Variants in RBFOX1 observed in about 807,000 individuals in gnomAD.
RBFOX1 encodes RNA binding fox-1 homolog 1.
A neutral mutation model predicts 57.7 loss-of-function variants in RBFOX1; 8 were observed. The ratio of observed to expected loss-of-function variants is 0.14; its 90% CI spans 0.08 to 0.25. The LOEUF (loss-of-function observed/expected upper bound fraction) is 0.25. Ranked by LOEUF, RBFOX1 falls within the 10% of genes least tolerant of loss-of-function variation. The pLI, the probability that RBFOX1 is intolerant of heterozygous loss-of-function variation, is 1.00. For missense variants in RBFOX1, 611 were observed against 548.5 expected, an observed-to-expected ratio of 1.11 and a Z score of -1.14; for synonymous variants, 326 against 222.4, an observed-to-expected ratio of 1.47 and a Z score of -4.15.
At chr16:7,260,386 T>TGAAA (rs960754682) in intron 4 of RBFOX1, among the ~76,000 whole-genome samples, 1 of 152,074 alleles carries the variant, frequency 6.6e-6, no homozygotes, top group Non-Finnish European at 1.5e-5. Flanking sequence ...AGCAAGAAAA[T>TGAAA]GAAAGAAAGA....
chr16:7,697,746 G>A lies in RBFOX1; in HGVS notation c.996-11310G>A, dbSNP rs148679652. 9.3e-3 allele frequency among the ~76,000 whole-genome samples: 1,414 copies of A among 152,178 alleles called. 9 individuals are homozygous for A. Among genetic ancestry groups the A allele is most frequent in the Non-Finnish European group, 0.016 (1,112 of 68,024 alleles). ...ACACACACCTTTTTCTTCACCCTTG[G>A]AACTTTGGCCTTCTCACTCCAGATG... On this transcript the variant is annotated intron_variant, in intron 14 of 15. Transcript: ENST00000550418.
At chr16:5,776,334 T>C (rs1176524088) in intron 3 of RBFOX1, among the ~76,000 whole-genome samples, 3 of 152,218 alleles carry the variant, frequency 2.0e-5, no homozygotes, top group Admixed American at 6.5e-5. Flanking sequence ...CTCTGTGTGT[T>C]CTTTTTTGGC....
chr16:5,892,478 T>C (rs1017758172), intron 4 of RBFOX1, among the ~76,000 whole-genome samples: 3 of 152,162 alleles, frequency 2.0e-5, no homozygotes, highest in African/African-American at 7.2e-5. Flanking sequence ...GAGTTACTGC[T>C]TATAAAGTGC....
intron 4 of RBFOX1, among the ~76,000 whole-genome samples, chr16:5,888,831 A>G (rs1295962907): frequency 6.6e-6 from 1 of 151,664 alleles, no homozygotes; most frequent in Non-Finnish European, 1.5e-5. Flanking sequence ...AAGTTGTTGA[A>G]TTAAAAGAAA....
intron 11 of RBFOX1, among the ~76,000 whole-genome samples, chr16:7,653,154 A>G (rs1242321997): frequency 1.3e-5 from 2 of 152,206 alleles, no homozygotes; most frequent in African/African-American, 4.8e-5. Flanking sequence ...ACATATATAC[A>G]TAGGTATATG....
chr16:5,482,018 A>G (rs1205928858), intron 2 of RBFOX1, among the ~76,000 whole-genome samples: 2 of 152,218 alleles, frequency 1.3e-5, no homozygotes, highest in African/African-American at 4.8e-5. Flanking sequence ...TTGGAGGGAT[A>G]CAGTTCAGCC....
intron 2 of RBFOX1, among the ~76,000 whole-genome samples, chr16:5,485,285 G>T (rs2069688127): frequency 7.2e-6 from 1 of 138,006 alleles, no homozygotes; most frequent in African/African-American, 2.7e-5. Context: ...GGCGGAGCTT[G>T]CAGTAAGCCG....
intron 14 of RBFOX1, among the ~76,000 whole-genome samples, chr16:7,706,873 G>A (rs1034720978): frequency 6.6e-6 from 1 of 152,194 alleles, no homozygotes; most frequent in Non-Finnish European, 1.5e-5. Flanking sequence ...AAAGGCCCAG[G>A]TCTCAGGAGT....
intron 3 of RBFOX1, among the ~76,000 whole-genome samples, chr16:5,734,949 G>A (rs2052518313): frequency 1.3e-5 from 2 of 152,128 alleles, no homozygotes; most frequent in African/African-American, 2.4e-5. Flanking sequence ...TAGTAGATGT[G>A]CAGATAAAGT....
At chr16:6,175,179 A>T (rs1250529622) in intron 1 of RBFOX1, among the ~76,000 whole-genome samples, 1 of 152,220 alleles carries the variant, frequency 6.6e-6, no homozygotes, top group Non-Finnish European at 1.5e-5. Flanking sequence ...ATTCATATTC[A>T]TAAGCAAATA....
At chr16:7,690,490 A>G (rs564145941) in intron 14 of RBFOX1, among the ~76,000 whole-genome samples, 4 of 152,224 alleles carry the variant, frequency 2.6e-5, no homozygotes, top group East Asian at 3.9e-4. Flanking sequence ...TTTATGAACA[A>G]CTAAGGAACA....
At position 7,590,440 on chromosome 16, in the gene RBFOX1, C is replaced by G. The variant is rs540866453; in HGVS notation, c.468+3140C>G. On this transcript the variant is annotated intron_variant, in intron 7 of 15. Transcript: ENST00000550418. ...CAGAGAGAAAATGAGAATTCGTAAG[C>G]ATTTAGGGGCGAATGATCCTGTAAT... 2.0e-5 allele frequency among the ~76,000 whole-genome samples: 3 copies of G among 152,194 alleles called. No homozygotes were observed. The South Asian group carries it at 6.2e-4, about 32-fold the overall frequency.
chr16:6,672,620 A>G (rs2098773732), intron 3 of RBFOX1, among the ~76,000 whole-genome samples: 1 of 152,146 alleles, frequency 6.6e-6, no homozygotes, highest in African/African-American at 2.4e-5. Flanking sequence ...AAGACTACTG[A>G]CTTCAGGTAC....
intron 4 of RBFOX1, among the ~76,000 whole-genome samples, chr16:7,099,707 G>T (rs543533856): frequency 1.7e-4 from 26 of 152,210 alleles, no homozygotes; most frequent in African/African-American, 6.0e-4. Context: ...GGTTCTACCT[G>T]GAAGGGAGGG....
chr16:7,012,724 G>A (rs1193409761), intron 3 of RBFOX1, among the ~76,000 whole-genome samples: 1 of 152,188 alleles, frequency 6.6e-6, no homozygotes, highest in Middle Eastern at 3.2e-3. Context: ...CTTTGTAATT[G>A]TTGGGAAGCT....
chr16:7,562,141 A>G (rs2090527717), intron 5 of RBFOX1, among the ~76,000 whole-genome samples: 1 of 152,246 alleles, frequency 6.6e-6, no homozygotes, highest in South Asian at 2.1e-4. Flanking sequence ...CACAGAAGAC[A>G]GTGGCAACAA....
chr16:6,535,719 C>G (rs1394558018), intron 2 of RBFOX1, among the ~76,000 whole-genome samples: 4 of 152,188 alleles, frequency 2.6e-5, no homozygotes, highest in Non-Finnish European at 5.9e-5. Flanking sequence ...GCCCTTCGAG[C>G]AAGGGCTGGA....
At chr16:5,649,305 A>G (rs2049153739) in intron 3 of RBFOX1, among the ~76,000 whole-genome samples, 1 of 151,820 alleles carries the variant, frequency 6.6e-6, no homozygotes, top group African/African-American at 2.4e-5. Flanking sequence ...AGTAGCTGGG[A>G]ACTACAGGCA....
chr16:7,057,100 A>G (rs1336561983), intron 4 of RBFOX1, among the ~76,000 whole-genome samples: 1 of 152,150 alleles, frequency 6.6e-6, no homozygotes, highest in Non-Finnish European at 1.5e-5. Flanking sequence ...ATTCCCAATA[A>G]TTATTTCACT....
Sources: allele counts gnomAD v4.1 joint callset (sites outside exome capture counted in the v4.1 genomes callset), GRCh38; gene constraint gnomAD v4.1.1; transcripts MANE v1.5; gene names NCBI Gene and HGNC (gene_info 2026-07-23, HGNC 2026-07-21).